NMNAT2: variants seen among roughly 807,000 people sequenced by gnomAD.
NMNAT2 encodes the protein nicotinamide/nicotinic acid mononucleotide adenylyltransferase 2.
In NMNAT2, 11 loss-of-function variants were observed where a neutral mutation model predicts 41.6. The ratio of observed to expected loss-of-function variants is 0.26; its 90% CI spans 0.17 to 0.44. The LOEUF (loss-of-function observed/expected upper bound fraction) is 0.44. NMNAT2 is among the 20% of genes least tolerant of loss of function. The pLI, the probability that NMNAT2 is intolerant of heterozygous loss-of-function variation, is 1.00. For missense variants in NMNAT2, 288 were observed against 407.7 expected (o/e 0.71, Z 2.53); for synonymous variants, 148 against 151.2 (o/e 0.98, Z 0.16).
chr1:183,372,288 AACAGAGAC>A, intron 1 of NMNAT2, among the ~76,000 whole-genome samples: 1 of 152,236 alleles, frequency 6.6e-6, no homozygotes, highest in East Asian at 1.9e-4. Context: ...AACCAGAAAA[AACAGAGAC>A]ACAGAAAAGA....
At chr1:183,266,081 G>C (rs1660806794) in intron 8 of NMNAT2, among the ~76,000 whole-genome samples, 1 of 152,154 alleles carries the variant, frequency 6.6e-6, no homozygotes, top group Non-Finnish European at 1.5e-5. Flanking sequence ...TTTTCCCCTA[G>C]ATTCTCTGGA....
chr1:183,363,603 C>A (rs1663353847), intron 1 of NMNAT2, among the ~76,000 whole-genome samples: 1 of 151,914 alleles, frequency 6.6e-6, no homozygotes, highest in Non-Finnish European at 1.5e-5. Flanking sequence ...CACACACACA[C>A]ACAATACCTC....
intron 1 of NMNAT2, among the ~76,000 whole-genome samples, chr1:183,354,501 C>A (rs1388159795): frequency 6.6e-6 from 1 of 150,912 alleles, no homozygotes; most frequent in Non-Finnish European, 1.5e-5. Flanking sequence ...AGCCTTGACC[C>A]CCCAGGCTAA....
At chr1:183,279,765 C>G (rs1661213341) in intron 7 of NMNAT2, among the ~76,000 whole-genome samples, 1 of 152,178 alleles carries the variant, frequency 6.6e-6, no homozygotes, top group African/African-American at 2.4e-5. Context: ...GTCAGGGCAG[C>G]CTTCCCACGT....
intron 1 of NMNAT2, among the ~76,000 whole-genome samples, chr1:183,383,164 A>T (rs1571629992): frequency 6.6e-6 from 1 of 152,112 alleles, no homozygotes. Flanking sequence ...TACTCTCTGG[A>T]GCAGCAGCCT....
Position 183,357,642 on chromosome 1 carries a change from T to C in NMNAT2, c.85+60541A>G, listed in dbSNP as rs567179327. 6.6e-5 allele frequency among the ~76,000 whole-genome samples: 10 copies of C among 152,340 alleles called. No homozygotes were observed. In the South Asian group the frequency reaches 1.9e-3, roughly 28 times the overall value. ...TCAACAGTGTACAAGCGTTCTTTTT[T>C]CTCCACAACCTCGCCAACATCTGTT... On this transcript the variant is annotated intron_variant, in intron 1 of 10. Transcript: ENST00000287713.
At chr1:183,282,261 G>A (rs1258921585) in intron 7 of NMNAT2, among the ~76,000 whole-genome samples, 1 of 152,214 alleles carries the variant, frequency 6.6e-6, no homozygotes, top group African/African-American at 2.4e-5. Flanking sequence ...GAGGTGAGAG[G>A]TCACTCCCCA....
At chr1:183,273,875 C>T (rs1558112701) in intron 8 of NMNAT2, among the ~76,000 whole-genome samples, 1 of 105,638 alleles carries the variant, frequency 9.5e-6, no homozygotes, top group Non-Finnish European at 1.8e-5. Context: ...TCCTTCCTTC[C>T]TTCCTTCCTT....
At chr1:183,410,737 C>CT (rs34552298) in intron 1 of NMNAT2, among the ~76,000 whole-genome samples, 5,043 of 141,176 alleles carry the variant, frequency 0.036, 208 homozygotes, top group African/African-American at 0.11. Flanking sequence ...TTCTCTCTCT[C>CT]TTTTTTTTAA....
rs539232920 is a variant in NMNAT2 at position 183,365,303 on chromosome 1, G to T, written c.85+52880C>A. 2.4e-3 allele frequency among the ~76,000 whole-genome samples: 364 copies of T among 152,168 alleles called. 3 individuals carry two copies. The highest frequency in any genetic ancestry group is 7.8e-3 in the African/African-American group (323 of 41,544). On this transcript the variant is annotated intron_variant, in intron 1 of 10. Transcript: ENST00000287713. Reference sequence around the variant, plus strand: ...CAGAACGGTGGCACAGAGCCCTATGGCAACAGAGCGGCAGCCCAGGGAGGA... The same window carrying T: ...CAGAACGGTGGCACAGAGCCCTATGTCAACAGAGCGGCAGCCCAGGGAGGA...
intron 1 of NMNAT2, among the ~76,000 whole-genome samples, chr1:183,326,338 TGCACTCCA>T (rs888110019): frequency 2.6e-5 from 3 of 117,486 alleles, no homozygotes; most frequent in African/African-American, 1.0e-4. Flanking sequence ...ATCACACCAC[TGCACTCCA>T]GCCTGGGCAA....
At position 183,284,793 on chromosome 1, in the gene NMNAT2, A is replaced by G. The variant is rs1661359641; in HGVS notation, c.449-3T>C. On this transcript the variant is annotated splice_polypyrimidine_tract_variant and splice_region_variant and intron_variant, in intron 5 of 10. Transcript: ENST00000287713. Reference sequence around the variant, plus strand: ...TCCCACCTTCCCCAAGATCTTGGCTATGGGAGAGAGCAAGACAGACAGGGA... The same window carrying G: ...TCCCACCTTCCCCAAGATCTTGGCTGTGGGAGAGAGCAAGACAGACAGGGA... The G allele has an allele frequency of 1.2e-6, 2 of 1,613,408 alleles. No individual in the cohort carries two copies. Among genetic ancestry groups the G allele is most frequent in the Non-Finnish European group, 1.7e-6 (2 of 1,179,462 alleles).
chr1:183,257,779 CA>C (rs1447966132), intron 10 of NMNAT2, among the ~76,000 whole-genome samples: 1 of 147,110 alleles, frequency 6.8e-6, no homozygotes, highest in Non-Finnish European at 1.5e-5. Context: ...AAAGGTTTGT[CA>C]ATTTTGTTTT....
chr1:183,325,574 A>G (rs1409006212), intron 1 of NMNAT2, among the ~76,000 whole-genome samples: 2 of 152,192 alleles, frequency 1.3e-5, no homozygotes, highest in Non-Finnish European at 2.9e-5. Flanking sequence ...AGTAGACCCA[A>G]CGTTTTACAC....
chr1:183,303,558 G>A (rs1661919290), intron 1 of NMNAT2, among the ~76,000 whole-genome samples: 1 of 152,220 alleles, frequency 6.6e-6, no homozygotes, highest in South Asian at 2.1e-4. Flanking sequence ...TCTAAGGTGA[G>A]TGCTTATTCG....
At chr1:183,269,665 G>C (rs1360352592) in intron 8 of NMNAT2, among the ~76,000 whole-genome samples, 2 of 152,196 alleles carry the variant, frequency 1.3e-5, no homozygotes, top group African/African-American at 4.8e-5. Flanking sequence ...GGAGCTTATC[G>C]CATTTAATCC....
intron 1 of NMNAT2, among the ~76,000 whole-genome samples, chr1:183,319,569 G>T (rs995264036): frequency 6.6e-6 from 1 of 152,210 alleles, no homozygotes. Context: ...CCTGCCTTCA[G>T]CTTCCACTTG....
Position 183,250,809 on chromosome 1 carries a change from GTTC to G in NMNAT2, c.*1829_*1831del, listed in dbSNP as rs1238365860. On this transcript the variant is annotated 3_prime_UTR_variant, in exon 11 of 11. Coordinates refer to ENST00000287713, the MANE Select transcript of NMNAT2 (RefSeq NM_015039.4). ...GACTTTCTGGATGCTGCTCTACCAT[GTTC>G]TTCTGTTAAATCAAGTTCCTTTTCC... 1.0e-4 allele frequency: 16 copies of G among 152,698 alleles called. No individual in the cohort carries two copies. Among genetic ancestry groups the G allele is most frequent in the African/African-American group, 3.1e-4 (13 of 41,548 alleles). The allele number at this position is 152,698 out of a possible 1,614,324, so 9.5% of individuals were successfully genotyped here.
At chr1:183,389,800 GAAAGAAAGAAAGAAAGAAAGAA>G (rs1648397792) in intron 1 of NMNAT2, among the ~76,000 whole-genome samples, 1 of 62,994 alleles carries the variant, frequency 1.6e-5, no homozygotes, top group African/African-American at 5.3e-5. Context: ...AAGAAAGAAA[GAAAGAAAGAAAGAAAGAAAGAA>G]AGAAAGAAAG....
Sources: allele counts gnomAD v4.1 joint callset (sites outside exome capture counted in the v4.1 genomes callset), GRCh38; gene constraint gnomAD v4.1.1; transcripts MANE v1.5; gene names NCBI Gene and HGNC (gene_info 2026-07-23, HGNC 2026-07-21).